SAMD5: variants seen among roughly 807,000 people sequenced by gnomAD.
SAMD5 encodes the protein sterile alpha motif domain containing 5, also known as sterile alpha motif domain-containing protein 5.
SAMD5 carries 13 observed loss-of-function variants against 11.3 expected under a neutral mutation model. The ratio of observed to expected loss-of-function variants is 1.15; its 90% CI spans 0.75 to 1.83. The LOEUF is 1.83. Among genes scored for constraint, SAMD5 ranks in the 40% most tolerant of loss-of-function variants. The probability of loss-of-function intolerance (pLI) is 0.00; values close to 1 mark genes in which losing one functional copy is unlikely to be tolerated. For missense variants in SAMD5, 255 were observed against 239.1 expected (o/e 1.07, Z -0.44); for synonymous variants, 129 against 111.3 (o/e 1.16, Z -1.00).
chr6:147,866,848 A>G, the SAMD5 span, among the ~76,000 whole-genome samples: 2 of 152,184 alleles, frequency 1.3e-5, no homozygotes, highest in African/African-American at 4.8e-5. Flanking sequence ...GCACAGTAGC[A>G]TTCTATCCAT....
chr6:147,573,681 G>T (rs150204984), downstream of SAMD5, among the ~76,000 whole-genome samples: 198 of 152,296 alleles, frequency 1.3e-3, 1 homozygote, highest in Middle Eastern at 0.017. Context: ...TTAGCAAAAT[G>T]AAATGTAAGA....
the SAMD5 span, among the ~76,000 whole-genome samples, chr6:147,897,900 G>A: frequency 7.0e-6 from 1 of 143,764 alleles, no homozygotes; most frequent in African/African-American, 2.6e-5. Flanking sequence ...AGTAGAGATC[G>A]GGCCACTGCA....
At chr6:147,570,747 T>G (rs954760559), downstream of SAMD5, among the ~76,000 whole-genome samples, 1 of 152,070 alleles carries the variant, frequency 6.6e-6, no homozygotes, top group Admixed American at 6.5e-5. Flanking sequence ...ATATGGTAAA[T>G]ATTAGGAGAA....
intron 1 of SAMD5, among the ~76,000 whole-genome samples, chr6:147,620,409 CA>C (rs1305515089): frequency 6.6e-6 from 1 of 152,218 alleles, no homozygotes; most frequent in Non-Finnish European, 1.5e-5. Flanking sequence ...GCACAGTTCA[CA>C]GCATTTGATT....
At chr6:147,617,503 T>A (rs1476250577) in intron 1 of SAMD5, among the ~76,000 whole-genome samples, 1 of 152,262 alleles carries the variant, frequency 6.6e-6, no homozygotes, top group Admixed American at 6.5e-5. Context: ...GAATCTAAGC[T>A]GCAGGGATAG....
intron 1 of SAMD5, among the ~76,000 whole-genome samples, chr6:147,653,812 G>A (rs1356929497): frequency 6.6e-6 from 1 of 151,924 alleles, no homozygotes; most frequent in Non-Finnish European, 1.5e-5. Context: ...TCTTTCCTGT[G>A]GGCCTGTTAA....
At chr6:147,573,358 G>A (rs1789166515), downstream of SAMD5, among the ~76,000 whole-genome samples, 1 of 152,140 alleles carries the variant, frequency 6.6e-6, no homozygotes, top group African/African-American at 2.4e-5. Context: ...CTCACAGGGT[G>A]GCAGGAGAGA....
At chr6:147,769,376 C>G in the SAMD5 span, among the ~76,000 whole-genome samples, 1 of 152,056 alleles carries the variant, frequency 6.6e-6, no homozygotes, top group Non-Finnish European at 1.5e-5. Flanking sequence ...TTTGTGTATA[C>G]ACCTTAAGCT....
intron 1 of SAMD5, among the ~76,000 whole-genome samples, chr6:147,514,260 G>T (rs562178804): frequency 1.3e-5 from 2 of 152,128 alleles, no homozygotes; most frequent in East Asian, 1.9e-4. Flanking sequence ...GAGGGAAGAA[G>T]AAGGGGTCCG....
intron 1 of SAMD5, among the ~76,000 whole-genome samples, chr6:147,601,702 A>G (rs1254531710): frequency 2.0e-5 from 3 of 152,220 alleles, no homozygotes; most frequent in African/African-American, 4.8e-5. Context: ...TAAATTATTA[A>G]GTGAAAGCAT....
chr6:147,547,426 C>T (rs1461995511), intron 1 of SAMD5, among the ~76,000 whole-genome samples: 1 of 152,174 alleles, frequency 6.6e-6, no homozygotes, highest in East Asian at 1.9e-4. Context: ...GAATTCCTTG[C>T]AGCTACAGAC....
chr6:147,655,469 C>A (rs1218746577), intron 1 of SAMD5, among the ~76,000 whole-genome samples: 1 of 151,946 alleles, frequency 6.6e-6, no homozygotes, highest in African/African-American at 2.4e-5. Flanking sequence ...TTTTATAATA[C>A]CTTTAAGCAT....
At chr6:147,917,273 A>G in the SAMD5 span, among the ~76,000 whole-genome samples, 1 of 144,400 alleles carries the variant, frequency 6.9e-6, no homozygotes, top group African/African-American at 2.7e-5. Flanking sequence ...ATGGTATCTC[A>G]TTGTGGTTTT....
At chr6:147,605,868 A>G (rs1789691680) in intron 1 of SAMD5, among the ~76,000 whole-genome samples, 1 of 152,164 alleles carries the variant, frequency 6.6e-6, no homozygotes, top group Non-Finnish European at 1.5e-5. Context: ...CCAAAAAGGC[A>G]AAGGGAATAA....
Position 147,723,311 on chromosome 6 carries a change from T to G in SAMD5, c.163-14006T>G, listed in dbSNP as rs139296385. ...ATGTCTTTTTGGTATCAGTGCAGGA[T>G]TTTAGGTCCATGAGCATTTCCTACA... is the stretch of plus-strand genomic sequence containing the variant. On this transcript the variant is annotated intron_variant, in intron 1 of 1. Transcript: ENST00000566741. Among the ~76,000 whole-genome samples, 10 of 152,272 alleles carry G rather than the reference T, an allele frequency of 6.6e-5. No homozygotes were observed. The East Asian group carries it at 1.9e-3, about 29-fold the overall frequency.
At chr6:147,607,541 C>A (rs1201219440) in intron 1 of SAMD5, among the ~76,000 whole-genome samples, 1 of 152,088 alleles carries the variant, frequency 6.6e-6, no homozygotes, top group Non-Finnish European at 1.5e-5. Flanking sequence ...CTACAGTGAA[C>A]CCATTTTTGA....
chr6:147,649,765 T>C (rs1214717496), intron 1 of SAMD5, among the ~76,000 whole-genome samples: 1 of 149,116 alleles, frequency 6.7e-6, no homozygotes, highest in African/African-American at 2.5e-5. Flanking sequence ...CGCTCCAGCC[T>C]TGGCAATAGA....
At chr6:147,586,843 T>C (rs1789381409) in intron 1 of SAMD5, among the ~76,000 whole-genome samples, 2 of 152,104 alleles carry the variant, frequency 1.3e-5, no homozygotes, top group Non-Finnish European at 2.9e-5. Flanking sequence ...TCTTCTCACT[T>C]TTCTCTTTCT....
chr6:147,935,606 G>GT, the SAMD5 span, among the ~76,000 whole-genome samples: 1 of 142,940 alleles, frequency 7.0e-6, no homozygotes, highest in African/African-American at 2.8e-5. Flanking sequence ...CATGAATAAG[G>GT]TTTTTTAAGA....
Sources: gnomAD v4.1 joint callset for allele counts (sites outside exome capture counted in the v4.1 genomes callset) on GRCh38, gnomAD v4.1.1 for gene constraint, MANE v1.5 for transcripts, NCBI Gene and HGNC (gene_info 2026-07-23, HGNC 2026-07-21) for gene names.